CLDN14: variants seen among roughly 807,000 people sequenced by gnomAD.
CLDN14 encodes claudin-14.
Under a neutral mutation model 2.1 loss-of-function variants are expected in CLDN14, and 2 were observed. That is an observed-to-expected ratio of 0.96 (90% confidence interval 0.39 to 3.01). The LOEUF (loss-of-function observed/expected upper bound fraction) is 3.01, where lower values mean the gene tolerates loss of function less well. Among genes scored for constraint, CLDN14 ranks in the 30% most tolerant of loss-of-function variants. The pLI, the probability that CLDN14 is intolerant of heterozygous loss-of-function variation, is 0.09. For missense variants in CLDN14, 298 were observed against 328.0 expected (o/e 0.91, Z 0.71); for synonymous variants, 136 against 154.4 (o/e 0.88, Z 0.88).
chr21:36,561,250 C>G (rs2087632928), intron 1 of CLDN14, among the ~76,000 whole-genome samples: 1 of 152,174 alleles, frequency 6.6e-6, no homozygotes, highest in African/African-American at 2.4e-5. Context: ...TGCTCAGGGA[C>G]AGGGAGAAGA....
intron 1 of CLDN14, among the ~76,000 whole-genome samples, chr21:36,463,614 G>A (rs2086607956): frequency 1.3e-5 from 2 of 152,244 alleles, no homozygotes; most frequent in South Asian, 4.1e-4. Flanking sequence ...TCAGGAGGCT[G>A]AGGCAGGAGA....
chr21:36,475,027 C>T (rs1483532200), intron 1 of CLDN14, among the ~76,000 whole-genome samples: 1 of 152,204 alleles, frequency 6.6e-6, no homozygotes, highest in Admixed American at 6.5e-5. Flanking sequence ...AGACCATGGT[C>T]ATCCAGGAGA....
chr21:36,559,172 GTTTTA>G (rs143202991), intron 1 of CLDN14, among the ~76,000 whole-genome samples: 12,206 of 148,774 alleles, frequency 0.082, 1,503 homozygotes, highest in African/African-American at 0.27. Flanking sequence ...TTTGTTGAGA[GTTTTA>G]TTTTATTTTA....
chr21:36,461,822 G>T, intron 1 of CLDN14, 46 bp from the exon 2 acceptor site: 3 of 1,298,710 alleles, frequency 2.3e-6, no homozygotes, highest in East Asian at 2.5e-5. Flanking sequence ...AAGGAAATGG[G>T]TTAAAGATTA....
intron 1 of CLDN14, among the ~76,000 whole-genome samples, chr21:36,543,207 C>G (rs1161019939): frequency 2.6e-5 from 4 of 152,188 alleles, no homozygotes; most frequent in Admixed American, 2.6e-4. Context: ...CAGAGAGCAC[C>G]CAACTTCTCC....
chr21:36,474,401 A>T (rs2086748417), intron 1 of CLDN14, among the ~76,000 whole-genome samples: 1 of 152,254 alleles, frequency 6.6e-6, no homozygotes, highest in African/African-American at 2.4e-5. Context: ...GATGCTTGCT[A>T]GACCTCATGA....
intron 1 of CLDN14, among the ~76,000 whole-genome samples, chr21:36,520,442 C>T (rs548333426): frequency 6.6e-6 from 1 of 152,280 alleles, no homozygotes; most frequent in African/African-American, 2.4e-5. Context: ...TGGTTTCCCT[C>T]ATACTGTTCT....
In CLDN14 at chr21:36,511,266, G is replaced by A. The variant is rs563087475; in HGVS notation, c.-219-766C>T. ...GTGTAGTTAAGCACACCCTTTTCAC[G>A]GTGCGTTGAAGCAGATTTCCAGCCC... On this transcript the variant is annotated intron_variant, in intron 1 of 2. Transcript: ENST00000342108. 4.6e-5 allele frequency among the ~76,000 whole-genome samples: 7 copies of A among 152,182 alleles called. No homozygotes were observed. The East Asian group carries it at 7.7e-4, about 17-fold the overall frequency.
chr21:36,518,044 C>T (rs1392245808), intron 1 of CLDN14, among the ~76,000 whole-genome samples: 1 of 149,630 alleles, frequency 6.7e-6, no homozygotes, highest in Non-Finnish European at 1.5e-5. Flanking sequence ...ATGTCAATTC[C>T]GTAAAATAAA....
chr21:36,489,122 A>AT (rs1568855375), intron 2 of CLDN14, among the ~76,000 whole-genome samples: 2 of 65,726 alleles, frequency 3.0e-5, no homozygotes, highest in Non-Finnish European at 7.6e-5. Flanking sequence ...TCAAAGAAAA[A>AT]AAAAAAAAAA....
rs1367917301 is a variant in CLDN14, at chr21:36,544,694, C to T, written c.-220+31717G>A. On this transcript the variant is annotated intron_variant, in intron 1 of 2. Coordinates refer to the CLDN14 transcript ENST00000342108. The surrounding 1 kb of genome is among the most constrained non-coding windows in gnomAD (Gnocchi z 4.1). ...TCTTTACACCTCCTTCCTGCTGACC[C>T]GACTGCAAATCAGCTTTTGATGGGA... is the stretch of plus-strand genomic sequence containing the variant. Among the ~76,000 whole-genome samples, 3 of 152,144 alleles carry T rather than the reference C, an allele frequency of 2.0e-5. No individual in the cohort carries two copies. The highest frequency in any genetic ancestry group is 1.9e-4 in the East Asian group (1 of 5,202).
intron 1 of CLDN14, among the ~76,000 whole-genome samples, chr21:36,548,949 A>G (rs1295687094): frequency 6.6e-6 from 1 of 152,170 alleles, no homozygotes; most frequent in Non-Finnish European, 1.5e-5. Flanking sequence ...CAGTTGCTGC[A>G]TAGTTCACGA....
intron 1 of CLDN14, chr21:36,477,265 T>C (rs1417438290): frequency 1.3e-5 from 2 of 152,178 alleles, no homozygotes; most frequent in Admixed American, 6.5e-5. Context: ...ACATTGGGAT[T>C]TTCCCCCCTT....
At chr21:36,564,203 A>G (rs1292088988) in intron 1 of CLDN14, among the ~76,000 whole-genome samples, 2 of 152,232 alleles carry the variant, frequency 1.3e-5, no homozygotes, top group Non-Finnish European at 2.9e-5. Flanking sequence ...TAAATTTTCC[A>G]TAGAAATCTG....
At chr21:36,484,794 A>G (rs1338478435), upstream of CLDN14, among the ~76,000 whole-genome samples, 1 of 151,798 alleles carries the variant, frequency 6.6e-6, no homozygotes, top group Non-Finnish European at 1.5e-5. Context: ...GCTCACCGCA[A>G]CCTCCGCCTG....
intron 1 of CLDN14, among the ~76,000 whole-genome samples, chr21:36,571,160 C>A (rs2087707820): frequency 6.6e-6 from 1 of 152,190 alleles, no homozygotes. Flanking sequence ...TTTTACCAAA[C>A]ATTCTAATGA....
rs73902541 is a variant in CLDN14, at chr21:36,489,602, G to A, written c.-82+20761C>T. Among the ~76,000 whole-genome samples, 1,158 of 152,278 alleles carry A rather than the reference G, an allele frequency of 7.6e-3. 16 individuals are homozygous for A. Among genetic ancestry groups the A allele is most frequent in the African/African-American group, 0.027 (1,101 of 41,532 alleles). ...GGCCTGGTGGGGGGCCGGGGACGAC[G>A]GCAGAGTCATCCACTGCCACTCTGG... is the stretch of plus-strand genomic sequence containing the variant. On this transcript the variant is annotated intron_variant, in intron 2 of 2. Coordinates refer to the CLDN14 transcript ENST00000342108.
chr21:36,543,585 T>G (rs1398882704), intron 1 of CLDN14, among the ~76,000 whole-genome samples: 1 of 152,206 alleles, frequency 6.6e-6, no homozygotes, highest in African/African-American at 2.4e-5. Flanking sequence ...AATAAGTGCT[T>G]TAGCACTTTG....
intron 1 of CLDN14, among the ~76,000 whole-genome samples, chr21:36,533,267 C>A (rs894715158): frequency 3.3e-5 from 5 of 152,110 alleles, no homozygotes; most frequent in Admixed American, 6.5e-5. Context: ...ATGGTCTGCA[C>A]GGGCAGGGGA....
Sources: gnomAD v4.1 joint callset for allele counts (sites outside exome capture counted in the v4.1 genomes callset) on GRCh38, gnomAD v4.1.1 for gene constraint, Gnocchi (gnomAD v3.1) non-coding constraint, MANE v1.5 for transcripts, NCBI Gene and HGNC (gene_info 2026-07-23, HGNC 2026-07-21) for gene names.